Variants in CCSER1 observed in about 807,000 individuals in gnomAD.
The protein encoded by CCSER1 is coiled-coil serine rich protein 1.
A neutral mutation model predicts 82.0 loss-of-function variants in CCSER1; 41 were observed. The observed-to-expected ratio is 0.50, with a 90% CI of 0.39 to 0.65. CCSER1 has a LOEUF of 0.65. Among genes scored for constraint, CCSER1 ranks in the 30% least tolerant of loss-of-function variants. The pLI is 0.00. For missense variants in CCSER1, 1,119 were observed against 1,064.2 expected (o/e 1.05, Z -0.72); for synonymous variants, 414 against 383.9 (o/e 1.08, Z -0.92).
intron 8 of CCSER1, among the ~76,000 whole-genome samples, chr4:90,865,488 T>C (rs1338737671): frequency 6.6e-6 from 1 of 152,030 alleles, no homozygotes; most frequent in African/African-American, 2.4e-5. Flanking sequence ...CCAGCTGTCA[T>C]ATCTCTGATA....
Position 90,131,068 on chromosome 4 carries a change from G to T in CCSER1, c.-42+3237G>T, listed in dbSNP as rs970484258. On this transcript the variant is annotated intron_variant, in intron 1 of 10. Transcript: ENST00000509176. ...GCTGGAGTGCAGTGGCGCAATCTCGGCTCACTGCAACCTCCGCCTCCTGGG... is the reference window on the plus strand; with the variant it reads ...GCTGGAGTGCAGTGGCGCAATCTCGTCTCACTGCAACCTCCGCCTCCTGGG... 2.0e-5 allele frequency among the ~76,000 whole-genome samples: 3 copies of T among 152,060 alleles called. No individual in the cohort carries two copies. The South Asian group carries it at 6.2e-4, about 32-fold the overall frequency.
chr4:91,567,971 G>A (rs1762976653), intron 10 of CCSER1, among the ~76,000 whole-genome samples: 1 of 152,038 alleles, frequency 6.6e-6, no homozygotes, highest in Non-Finnish European at 1.5e-5. Context: ...TGGTCTCTGT[G>A]TTTAATTGTG....
At chr4:91,250,059 T>A (rs1337761549) in intron 10 of CCSER1, among the ~76,000 whole-genome samples, 2 of 151,922 alleles carry the variant, frequency 1.3e-5, no homozygotes, top group Non-Finnish European at 2.9e-5. Flanking sequence ...TTTAGGACTA[T>A]GATTTCCCTT....
chr4:90,689,022 T>G (rs1447480317), intron 6 of CCSER1, among the ~76,000 whole-genome samples: 2 of 152,194 alleles, frequency 1.3e-5, no homozygotes, highest in African/African-American at 4.8e-5. Context: ...GTCTTATGCA[T>G]ACTAAATGGA....
At chr4:91,566,434 A>C (rs1470429268) in intron 10 of CCSER1, among the ~76,000 whole-genome samples, 1 of 151,924 alleles carries the variant, frequency 6.6e-6, no homozygotes, top group African/African-American at 2.4e-5. Context: ...CCTCCTCCTC[A>C]ATTTTTTGGA....
intron 10 of CCSER1, among the ~76,000 whole-genome samples, chr4:91,555,020 T>C (rs1762337044): frequency 6.6e-6 from 1 of 151,292 alleles, no homozygotes; most frequent in South Asian, 2.1e-4. Context: ...TCTCATGCCA[T>C]ATGTAAAAAT....
chr4:90,695,080 A>G (rs1456168278), intron 6 of CCSER1, among the ~76,000 whole-genome samples: 1 of 148,866 alleles, frequency 6.7e-6, no homozygotes, highest in Non-Finnish European at 1.5e-5. Flanking sequence ...ATATATGTAT[A>G]TATATTTGCC....
intron 1 of CCSER1, among the ~76,000 whole-genome samples, chr4:90,264,091 G>T (rs1224229289): frequency 6.6e-6 from 1 of 152,174 alleles, no homozygotes; most frequent in East Asian, 1.9e-4. Context: ...AGGACCTCTT[G>T]TTAAAATACA....
chr4:90,737,846 C>T (rs962438287), intron 7 of CCSER1, among the ~76,000 whole-genome samples: 1 of 152,088 alleles, frequency 6.6e-6, no homozygotes, highest in Non-Finnish European at 1.5e-5. Flanking sequence ...AGGCTTATTA[C>T]TTTTTTATTC....
intron 1 of CCSER1, among the ~76,000 whole-genome samples, chr4:90,262,109 T>C (rs1057510418): frequency 1.3e-5 from 2 of 151,920 alleles, no homozygotes; most frequent in Admixed American, 6.6e-5. Context: ...AAATATTTCA[T>C]CTTGGTTTGG....
At chr4:90,804,626 A>T (rs1041438955) in intron 7 of CCSER1, among the ~76,000 whole-genome samples, 1 of 152,206 alleles carries the variant, frequency 6.6e-6, no homozygotes, top group Non-Finnish European at 1.5e-5. Context: ...GCATTTCAGC[A>T]TAATATTATT....
chr4:90,412,537 AAAC>A (rs970267331), intron 4 of CCSER1, among the ~76,000 whole-genome samples: 1 of 151,654 alleles, frequency 6.6e-6, no homozygotes, highest in African/African-American at 2.4e-5. Context: ...AAAAAAAAAA[AAAC>A]CAAAAAGATA....
chr4:91,411,527 A>ATAT (rs1560650607), intron 10 of CCSER1, among the ~76,000 whole-genome samples: 7 of 46,032 alleles, frequency 1.5e-4, no homozygotes, highest in South Asian at 9.1e-4. Context: ...TATATATATA[A>ATAT]AATCTTGACT....
intron 5 of CCSER1, among the ~76,000 whole-genome samples, chr4:90,625,131 A>T (rs1421788435): frequency 1.3e-5 from 2 of 152,192 alleles, no homozygotes; most frequent in Non-Finnish European, 2.9e-5. Flanking sequence ...TGTATTATCC[A>T]GTGAACCCTG....
intron 10 of CCSER1, among the ~76,000 whole-genome samples, chr4:91,460,054 G>A (rs1423791629): frequency 6.6e-6 from 1 of 152,166 alleles, no homozygotes; most frequent in Non-Finnish European, 1.5e-5. Context: ...CAAAGGTAGA[G>A]TAAGCATCAG....
At position 90,872,025 on chromosome 4, in the gene CCSER1, C is replaced by T. The variant is rs1163598046; in HGVS notation, c.2095-51345C>T. Among the ~76,000 whole-genome samples, 3 of 150,906 alleles carry T rather than the reference C, an allele frequency of 2.0e-5. No individual in the cohort carries two copies. In the East Asian group the frequency reaches 5.9e-4, roughly 29 times the overall value. ...TTTTCATTTTCATGGAATATCTTTT[C>T]TCATCTCTTTATTTTCAGTGTATGT... On this transcript the variant is annotated intron_variant, in intron 8 of 10. Transcript: ENST00000509176.
chr4:90,768,838 C>T (rs531068843), intron 7 of CCSER1, among the ~76,000 whole-genome samples: 2 of 152,256 alleles, frequency 1.3e-5, no homozygotes, highest in African/African-American at 2.4e-5. Flanking sequence ...TCTAGCAGTA[C>T]ATCTATAGAG....
At chr4:91,008,885 G>A (rs1262780107) in intron 9 of CCSER1, among the ~76,000 whole-genome samples, 2 of 152,176 alleles carry the variant, frequency 1.3e-5, no homozygotes, top group African/African-American at 4.8e-5. Flanking sequence ...TGGAATCTTG[G>A]GCCATGTGGT....
chr4:90,385,957 G>A (rs1749976250), intron 3 of CCSER1, among the ~76,000 whole-genome samples: 1 of 151,936 alleles, frequency 6.6e-6, no homozygotes, highest in African/African-American at 2.4e-5. Flanking sequence ...CCAAAGAGGT[G>A]AAAGATCTCT....
Sources: allele counts gnomAD v4.1 joint callset (sites outside exome capture counted in the v4.1 genomes callset), GRCh38; gene constraint gnomAD v4.1.1; transcripts MANE v1.5; gene names NCBI Gene and HGNC (gene_info 2026-07-23, HGNC 2026-07-21).